MYO5B: variants seen among roughly 807,000 people sequenced by gnomAD.
The protein encoded by MYO5B is unconventional myosin-Vb.
A neutral mutation model predicts 229.3 loss-of-function variants in MYO5B; 143 were observed. That is an observed-to-expected ratio of 0.62 (90% CI 0.54 to 0.72). The LOEUF (loss-of-function observed/expected upper bound fraction) is 0.72. Ranked by LOEUF, MYO5B falls within the 30% of genes least tolerant of loss-of-function variation. The pLI is 0.00. For synonymous variants in MYO5B, 918 were observed against 885.2 expected, an observed-to-expected ratio of 1.04 and a Z score of -0.66; for missense variants, 2,321 against 2,331.0, an observed-to-expected ratio of 1.00 and a Z score of 0.09.
chr18:49,989,150 T>A (rs2025902613), intron 7 of MYO5B, among the ~76,000 whole-genome samples: 1 of 152,198 alleles, frequency 6.6e-6, no homozygotes, highest in Non-Finnish European at 1.5e-5. Flanking sequence ...TAACATGGCC[T>A]GAATAGAGTT....
intron 1 of MYO5B, among the ~76,000 whole-genome samples, chr18:50,095,335 T>C (rs1251371302): frequency 6.6e-6 from 1 of 152,162 alleles, no homozygotes; most frequent in East Asian, 1.9e-4. Context: ...GTGGATGTAA[T>C]TCCCTGCATT....
chr18:50,148,883 G>T (rs533123825), intron 1 of MYO5B, among the ~76,000 whole-genome samples: 1 of 152,338 alleles, frequency 6.6e-6, no homozygotes, highest in South Asian at 2.1e-4. Context: ...AGGAAAAGAG[G>T]AAGTCAAATT....
chr18:49,889,713 A>G (rs1227888007), intron 22 of MYO5B, among the ~76,000 whole-genome samples: 1 of 152,246 alleles, frequency 6.6e-6, no homozygotes. Flanking sequence ...GAAATGGAAC[A>G]TGCCATCTGA....
intron 1 of MYO5B, among the ~76,000 whole-genome samples, chr18:50,122,864 CTGA>C (rs143111574): frequency 0.02 from 3,056 of 152,244 alleles, 91 homozygotes; most frequent in African/African-American, 0.07. Flanking sequence ...ACATCGACTG[CTGA>C]TGTGAATGTA....
chr18:49,914,657 G>A (rs193024665), intron 17 of MYO5B, among the ~76,000 whole-genome samples: 1 of 151,816 alleles, frequency 6.6e-6, no homozygotes, highest in Admixed American at 6.6e-5. Context: ...GTGGATGCCT[G>A]TAGTACCAGC....
At chr18:50,045,108 T>C (rs890259405) in intron 2 of MYO5B, among the ~76,000 whole-genome samples, 6 of 152,152 alleles carry the variant, frequency 3.9e-5, no homozygotes, top group African/African-American at 1.4e-4. Context: ...GTAATTGACA[T>C]TGTCACGGTT....
intron 3 of MYO5B, among the ~76,000 whole-genome samples, chr18:50,037,315 G>A (rs1173524714): frequency 1.3e-5 from 2 of 151,928 alleles, no homozygotes; most frequent in African/African-American, 2.4e-5. Flanking sequence ...AGAGAGAAGA[G>A]GATATTAAAT....
chr18:50,170,214 C>T lies in MYO5B; in HGVS notation c.27+24553G>A, dbSNP rs1387804003. The stretch of plus-strand genomic sequence containing the variant: ...AGCAGTGGGCAGTGAGGAAAGGAGG[C>T]TTGGCCGGAAGCATCAGTAGCAGGG... On this transcript the variant is annotated intron_variant, in intron 1 of 39. Transcript: ENST00000285039. 1.6e-5 allele frequency among the ~76,000 whole-genome samples: 2 copies of T among 127,572 alleles called. 1 individual carries two copies. The highest frequency in any genetic ancestry group is 4.6e-4 in the East Asian group (2 of 4,380). The allele number at this position is 127,572 out of a possible 152,430, so 83.7% of individuals were successfully genotyped here.
chr18:49,837,507 C>A lies in MYO5B; in HGVS notation c.5138+10G>T. 6.2e-7 allele frequency: 1 copy of A among 1,613,522 alleles called. No individual in the cohort carries two copies. The highest frequency in any genetic ancestry group is 1.1e-5 in the South Asian group (1 of 90,766). On this transcript the variant is annotated intron_variant, in intron 37 of 39. Coordinates refer to ENST00000285039, the MANE Select transcript of MYO5B (RefSeq NM_001080467.3). ...TCTATCTGTGTTGTTGGGGGGTGCT[C>A]CTCCCTTACCTGAGTTGCATGCCTG... is the stretch of plus-strand genomic sequence containing the variant.
At chr18:49,899,937 T>TA (rs1852776056) in intron 21 of MYO5B, among the ~76,000 whole-genome samples, 3 of 152,198 alleles carry the variant, frequency 2.0e-5, no homozygotes, top group Admixed American at 6.5e-5. Context: ...ATTTTTTTTT[T>TA]AAATAGGCCA....
At chr18:50,026,979 T>C (rs1815940) in intron 4 of MYO5B, among the ~76,000 whole-genome samples, 148,896 of 152,284 alleles carry the variant, frequency 0.98, 72,889 homozygotes, top group Non-Finnish European at 1. Context: ...TTAGCCGCCT[T>C]GCTTCCCAGC....
intron 27 of MYO5B, among the ~76,000 whole-genome samples, chr18:49,868,419 T>G (rs575741910): frequency 6.6e-6 from 1 of 152,270 alleles, no homozygotes; most frequent in South Asian, 2.1e-4. Flanking sequence ...AGGTGAAAAG[T>G]GTTTAAGTGC....
intron 39 of MYO5B, among the ~76,000 whole-genome samples, chr18:49,828,995 A>G (rs895958229): frequency 3.9e-5 from 6 of 152,152 alleles, no homozygotes; most frequent in Non-Finnish European, 8.8e-5. Flanking sequence ...ACCTAGAAGA[A>G]ATGAAATAAC....
intron 1 of MYO5B, among the ~76,000 whole-genome samples, chr18:50,130,371 A>G (rs886752454): frequency 1.3e-5 from 2 of 152,190 alleles, no homozygotes; most frequent in Non-Finnish European, 2.9e-5. Context: ...GTAGAATTTG[A>G]CGAATGGCAA....
chr18:49,904,147 C>A (rs1034627227), intron 20 of MYO5B, among the ~76,000 whole-genome samples: 1 of 152,234 alleles, frequency 6.6e-6, no homozygotes, highest in Admixed American at 6.5e-5. Context: ...GAAATCTGAT[C>A]CCCTATGTTG....
intron 1 of MYO5B, among the ~76,000 whole-genome samples, chr18:50,129,781 A>G (rs2032224847): frequency 6.6e-6 from 1 of 152,182 alleles, no homozygotes; most frequent in South Asian, 2.1e-4. Context: ...AAAATCCTCT[A>G]TACCTTGCAT....
intron 29 of MYO5B, among the ~76,000 whole-genome samples, chr18:49,861,623 T>C (rs368355646): frequency 8.0e-4 from 122 of 152,336 alleles, no homozygotes; most frequent in African/African-American, 2.8e-3. Flanking sequence ...CTGGAGCCTG[T>C]GACACCACCT....
intron 21 of MYO5B, among the ~76,000 whole-genome samples, chr18:49,896,021 T>C (rs540810728): frequency 2.9e-4 from 44 of 152,328 alleles, no homozygotes; most frequent in African/African-American, 1.1e-3. Context: ...TATTCTTCAT[T>C]GCTCTGGTCT....
At chr18:50,147,896 G>A (rs540377824) in intron 1 of MYO5B, among the ~76,000 whole-genome samples, 9 of 152,160 alleles carry the variant, frequency 5.9e-5, no homozygotes, top group South Asian at 2.1e-4. Flanking sequence ...CAGCATTAGC[G>A]GATGTGAAAA....
Sources: gnomAD v4.1 joint callset for allele counts (sites outside exome capture counted in the v4.1 genomes callset) on GRCh38, gnomAD v4.1.1 for gene constraint, MANE v1.5 for transcripts, NCBI Gene and HGNC (gene_info 2026-07-23, HGNC 2026-07-21) for gene names.